Variants in GTF3C4 observed in about 807,000 individuals in gnomAD.
GTF3C4 encodes the protein general transcription factor 3C polypeptide 4.
GTF3C4 carries 28 observed loss-of-function variants against 67.5 expected under a neutral mutation model. That is an observed-to-expected ratio of 0.41 (90% confidence interval 0.31 to 0.57). The LOEUF (loss-of-function observed/expected upper bound fraction) is 0.57, where lower values mean the gene tolerates loss of function less well. Ranked by LOEUF, GTF3C4 falls within the 20% of genes least tolerant of loss-of-function variation. The probability of loss-of-function intolerance (pLI) is 0.21; values close to 1 mark genes in which losing one functional copy is unlikely to be tolerated. For synonymous variants in GTF3C4, 409 were observed against 393.0 expected (o/e 1.04, Z -0.48); for missense variants, 831 against 1,033.2 (o/e 0.80, Z 2.68).
chr9:132,692,911 G>A lies in GTF3C4; in HGVS notation c.*3966G>A, dbSNP rs1836140413. The A allele has an allele frequency of 6.6e-6, 1 of 152,150 alleles. No individual in the cohort carries two copies. The highest frequency in any genetic ancestry group is 6.5e-5 in the Admixed American group (1 of 15,276). The allele number at this position is 152,150 out of a possible 1,614,324, so 9.4% of individuals were successfully genotyped here. A position where few individuals can be genotyped will look rare whatever the true frequency, so the allele number is the denominator to read the frequency against. On this transcript the variant is annotated 3_prime_UTR_variant, in exon 5 of 5. Coordinates refer to ENST00000372146, the MANE Select transcript of GTF3C4 (RefSeq NM_012204.4). ...TTCTTGAAGCTAAAAGAGGTTTTTGGAGTAAAGATCTGCTTCATGTCTGCT... is the reference window on the plus strand; with the variant it reads ...TTCTTGAAGCTAAAAGAGGTTTTTGAAGTAAAGATCTGCTTCATGTCTGCT...
In GTF3C4 at chr9:132,679,663, C is replaced by T. The variant is rs1336275955; in HGVS notation, c.2044C>T (p.His682Tyr). The change falls in exon 2 of 5, where the codon CAC becomes TAC. Residue 682 changes from histidine (H) to tyrosine (Y), a missense_variant. His to Tyr is a moderately conservative substitution (Grantham distance 83). This residue lies in a region of GTF3C4 where 129 missense variants were observed against 213.8 expected (regional missense o/e 0.60). Transcript: ENST00000372146. This position sits in a 1 kb window ranked among gnomAD's most constrained non-coding sequence, Gnocchi z 5.9. ...AGGGAAAATCGAAGCTGTGGAGATG[C>T]ACTTGACCAGGGAACACATGAAGCG... Reference protein sequence around the residue: ...IQGKIEAVEMHLTREHMKRVL... With the variant: ...IQGKIEAVEMYLTREHMKRVL... 2.5e-6 allele frequency: 4 copies of T among 1,614,044 alleles called. No individual in the cohort carries two copies. The highest frequency in any genetic ancestry group is 2.7e-5 in the African/African-American group (2 of 74,906).
intron 2 of GTF3C4, among the ~76,000 whole-genome samples, chr9:132,682,353 C>T (rs934294959): frequency 2.6e-5 from 4 of 152,050 alleles, no homozygotes; most frequent in African/African-American, 4.8e-5. Flanking sequence ...GCTAGTAAGA[C>T]ACCCTTTGAA....
intron 1 of GTF3C4, among the ~76,000 whole-genome samples, chr9:132,671,442 C>T (rs921474087): frequency 3.3e-5 from 5 of 152,208 alleles, no homozygotes; most frequent in African/African-American, 4.8e-5. Context: ...TGGTCCCATC[C>T]ATTGTCTTAA....
chr9:132,677,017 C>T (rs1485190661), intron 1 of GTF3C4, among the ~76,000 whole-genome samples: 1 of 152,154 alleles, frequency 6.6e-6, no homozygotes, highest in East Asian at 1.9e-4. Flanking sequence ...CTCTTTTTGG[C>T]TTTAGCTTTC....
chr9:132,689,102 A>C lies in GTF3C4; in HGVS notation c.*157A>C. On this transcript the variant is annotated 3_prime_UTR_variant, in exon 5 of 5. Coordinates refer to ENST00000372146, the MANE Select transcript of GTF3C4 (RefSeq NM_012204.4). The stretch of plus-strand genomic sequence containing the variant: ...GAGGGCCCCTGGAGCTCATTTCTGA[A>C]TCGCACTCTCCATTTCCAGAGACTA... 1 of 626,308 alleles carries C rather than the reference A, an allele frequency of 1.6e-6. No individual in the cohort carries two copies. The allele number at this position is 626,308 out of a possible 1,614,324, so 38.8% of individuals were successfully genotyped here.
upstream of GTF3C4, chr9:132,670,181 T>C (rs753846839): frequency 1.3e-6 from 2 of 1,590,796 alleles, no homozygotes; most frequent in South Asian, 2.2e-5. Flanking sequence ...CTGGCAAAAT[T>C]ACATTCGGCC....
chr9:132,692,554 G>A lies in GTF3C4; in HGVS notation c.*3609G>A, dbSNP rs940062412. 5 of 152,028 alleles carry A rather than the reference G, an allele frequency of 3.3e-5. No homozygotes were observed. Among genetic ancestry groups the A allele is most frequent in the Admixed American group, 2.0e-4 (3 of 15,240 alleles). 9.4% of individuals were successfully genotyped at this position (152,028 alleles called of 1,614,324 possible). A position where few individuals can be genotyped will look rare whatever the true frequency, so the allele number is the denominator to read the frequency against. On this transcript the variant is annotated 3_prime_UTR_variant, in exon 5 of 5. Coordinates refer to ENST00000372146, the MANE Select transcript of GTF3C4 (RefSeq NM_012204.4). ...GGTTATATTCAAAGTAAGTACAGAC[G>A]GCAAATAGGCAGACAAATACAGGAA... is the stretch of plus-strand genomic sequence containing the variant.
chr9:132,670,119 C>T (rs1835653774), upstream of GTF3C4: 1 of 1,579,292 alleles, frequency 6.3e-7, no homozygotes, highest in African/African-American at 1.4e-5. Context: ...AGGGACAAGA[C>T]TACCGCGCGT....
chr9:132,694,747 TC>T lies in GTF3C4; in HGVS notation c.*5803del. 1 of 152,330 alleles carries T rather than the reference TC, an allele frequency of 6.6e-6. No individual in the cohort carries two copies. Among genetic ancestry groups the T allele is most frequent in the Non-Finnish European group, 1.5e-5 (1 of 68,038 alleles). The allele number at this position is 152,330 out of a possible 1,614,324, so 9.4% of individuals were successfully genotyped here. ...TTGATGAACTACCATTGGTTTTAGC[TC>T]TTTCTCATTTGGGATTCCCCTCAAT... On this transcript the variant is annotated 3_prime_UTR_variant, in exon 5 of 5. Transcript: ENST00000372146.
intron 3 of GTF3C4, among the ~76,000 whole-genome samples, chr9:132,686,007 A>T (rs1389279504): frequency 6.6e-6 from 1 of 152,260 alleles, no homozygotes; most frequent in Non-Finnish European, 1.5e-5. Flanking sequence ...CACAGGTTCA[A>T]TTCCATCCAA....
chr9:132,675,886 C>G (rs574015540), intron 1 of GTF3C4, among the ~76,000 whole-genome samples: 101 of 142,244 alleles, frequency 7.1e-4, no homozygotes, highest in African/African-American at 2.5e-3. Context: ...ATAGACTATT[C>G]CAGTTACCCT....
Position 132,678,769 on chromosome 9 carries a change from C to A in GTF3C4, c.1150C>A (p.Gln384Lys). 6.2e-7 allele frequency: 1 copy of A among 1,614,016 alleles called. No homozygotes were observed. The highest frequency in any genetic ancestry group is 8.5e-7 in the Non-Finnish European group (1 of 1,179,920). The part of the protein sequence containing the change: ...IKCVPLYHPY[Q>K]KCSCSLVVAA... Reference sequence around the variant, plus strand: ...ATGTGTGCCACTTTATCATCCTTACCAGAAGTGTAGTTGCAGCTTAGTAGT... The same window carrying A: ...ATGTGTGCCACTTTATCATCCTTACAAGAAGTGTAGTTGCAGCTTAGTAGT... Residue 384 changes from glutamine to lysine, a missense_variant, in exon 2 of 5, where the codon CAG (glutamine) becomes AAG (lysine). Gln to Lys is a moderately conservative substitution (Grantham distance 53). Around this residue, in one of 4 missense-constraint regions of GTF3C4, gnomAD observed 390 missense variants for 540.3 expected, o/e 0.72. Coordinates refer to ENST00000372146, the MANE Select transcript of GTF3C4 (RefSeq NM_012204.4). This position sits in a 1 kb window ranked among gnomAD's most constrained non-coding sequence, Gnocchi z 6.5.
At chr9:132,677,426 T>C (rs558909830) in intron 1 of GTF3C4, among the ~76,000 whole-genome samples, 13 of 152,188 alleles carry the variant, frequency 8.5e-5, no homozygotes, top group African/African-American at 3.1e-4. Flanking sequence ...GTTACGAACT[T>C]GGAGGAGGGA....
intron 1 of GTF3C4, 86 bp downstream of exon 1, chr9:132,671,041 A>C (rs1835731190): frequency 3.3e-6 from 3 of 913,408 alleles, no homozygotes; most frequent in African/African-American, 3.4e-5. Context: ...CCGATCCCAC[A>C]CTCTGTCCGG....
intron 3 of GTF3C4, among the ~76,000 whole-genome samples, chr9:132,685,014 ATTTT>A (rs3041416): frequency 7.4e-6 from 1 of 135,434 alleles, no homozygotes. Context: ...AAATTTTTTA[ATTTT>A]TTTTTTTTTT....
At position 132,678,360 on chromosome 9, in the gene GTF3C4, C is replaced by G. The variant is rs774834982; in HGVS notation, c.741C>G (p.Thr247=). ...AEFQRRHSMQ[T]PVRMEWSGIC... ...TTCAGAGGAGACACAGCATGCAGAC[C>G]CCAGTCAGAATGGAGTGGTCGGGCA... Residue 247 remains threonine, a synonymous_variant, in exon 2 of 5, where the codon ACC becomes ACG. Transcript: ENST00000372146. The surrounding 1 kb of genome is among the most constrained non-coding windows in gnomAD (Gnocchi z 6.5). 2 of 1,613,994 alleles carry G rather than the reference C, an allele frequency of 1.2e-6. No individual in the cohort carries two copies. The highest frequency in any genetic ancestry group is 1.7e-6 in the Non-Finnish European group (2 of 1,180,028).
In GTF3C4 at chr9:132,692,229, A is replaced by G. The variant is rs1836128680; in HGVS notation, c.*3284A>G. On this transcript the variant is annotated 3_prime_UTR_variant, in exon 5 of 5. Coordinates refer to ENST00000372146, the MANE Select transcript of GTF3C4 (RefSeq NM_012204.4). Reference sequence around the variant, plus strand: ...CCCTCTGCTTTAGAACACAGATTACATGTTGGAAAGAAAAATGGATTAATG... The same window carrying G: ...CCCTCTGCTTTAGAACACAGATTACGTGTTGGAAAGAAAAATGGATTAATG... 1.3e-5 allele frequency: 2 copies of G among 152,166 alleles called. No individual in the cohort carries two copies. Among genetic ancestry groups the G allele is most frequent in the Admixed American group, 1.3e-4 (2 of 15,286 alleles). The allele number at this position is 152,166 out of a possible 1,614,324, so 9.4% of individuals were successfully genotyped here. A position where few individuals can be genotyped will look rare whatever the true frequency, so the allele number is the denominator to read the frequency against.
At position 132,679,394 on chromosome 9, in the gene GTF3C4, C is replaced by T; in HGVS notation, c.1775C>T (p.Pro592Leu). 4 of 1,614,172 alleles carry T rather than the reference C, an allele frequency of 2.5e-6. No homozygotes were observed. The highest frequency in any genetic ancestry group is 3.4e-6 in the Non-Finnish European group (4 of 1,180,038). Reference sequence around the variant, plus strand: ...TTATATCAGTCAATGCAGAAAACCCCTTCAGAAGCCTTGTGGAAACCCACC... The same window carrying T: ...TTATATCAGTCAATGCAGAAAACCCTTTCAGAAGCCTTGTGGAAACCCACC... ...RILYQSMQKT[P>L]SEALWKPTHE... is the part of the protein sequence containing the mutation. The change falls in exon 2 of 5, where the codon CCT becomes CTT. Residue 592 changes from proline to leucine, a missense_variant. Pro to Leu is a moderately conservative substitution (Grantham distance 98). Around this residue, in one of 4 missense-constraint regions of GTF3C4, gnomAD observed 390 missense variants for 540.3 expected, o/e 0.72. Coordinates refer to ENST00000372146, the MANE Select transcript of GTF3C4 (RefSeq NM_012204.4). The surrounding 1 kb of genome is among the most constrained non-coding windows in gnomAD (Gnocchi z 5.9).
At chr9:132,684,192 C>T (rs1301506348) in intron 3 of GTF3C4, among the ~76,000 whole-genome samples, 1 of 152,182 alleles carries the variant, frequency 6.6e-6, no homozygotes, top group Non-Finnish European at 1.5e-5. Context: ...AGCACTTTCC[C>T]TGGGTGGTTG....
Sources: allele counts gnomAD v4.1 joint callset (sites outside exome capture counted in the v4.1 genomes callset), GRCh38; gene constraint gnomAD v4.1.1; regional missense constraint gnomAD v4.1.1; non-coding constraint Gnocchi (gnomAD v3.1); transcripts MANE v1.5; gene names NCBI Gene and HGNC (gene_info 2026-07-23, HGNC 2026-07-21).